ABCA10: variants seen among roughly 807,000 people sequenced by gnomAD.
ABCA10 encodes ATP binding cassette subfamily A member 10, also known as ATP-binding cassette sub-family A member 10.
A neutral mutation model predicts 187.5 loss-of-function variants in ABCA10; 169 were observed. That is an observed-to-expected ratio of 0.90 (90% CI 0.80 to 1.02). The LOEUF is 1.02. ABCA10 is among the 50% of genes least tolerant of loss of function. ABCA10 has a pLI of 0.00. For synonymous variants in ABCA10, 574 were observed against 601.8 expected, an observed-to-expected ratio of 0.95 and a Z score of 0.68; for missense variants, 1,727 against 1,812.4, an observed-to-expected ratio of 0.95 and a Z score of 0.86.
chr17:69,157,700 T>C (rs1006430908), intron 27 of ABCA10, among the ~76,000 whole-genome samples: 1 of 152,040 alleles, frequency 6.6e-6, no homozygotes, highest in Non-Finnish European at 1.5e-5. Context: ...GATATATGAA[T>C]AGAAGTAGCT....
intron 9 of ABCA10, among the ~76,000 whole-genome samples, chr17:69,206,667 C>T (rs2074593962): frequency 6.6e-6 from 1 of 152,138 alleles, no homozygotes; most frequent in African/African-American, 2.4e-5. Context: ...AAATTGGTCC[C>T]AACTTGCAAA....
At chr17:69,192,464 GAAGTT>G (rs1034760599) in intron 16 of ABCA10, 94 bp downstream of exon 16, 38 of 1,011,556 alleles carry the variant, frequency 3.8e-5, no homozygotes, top group African/African-American at 2.0e-4. Context: ...GTTTCTACCA[GAAGTT>G]AAGTTGCCTT....
At chr17:69,149,932 T>C in intron 37 of ABCA10, 52 bp downstream of exon 37, 2 of 1,387,690 alleles carry the variant, frequency 1.4e-6, no homozygotes, top group Non-Finnish European at 2.0e-6. Context: ...ATATTCCACA[T>C]GAAAATATGC....
At chr17:69,241,209 A>G (rs2074901554) in intron 1 of ABCA10, among the ~76,000 whole-genome samples, 1 of 152,192 alleles carries the variant, frequency 6.6e-6, no homozygotes, top group Non-Finnish European at 1.5e-5. Flanking sequence ...GACAAAACAA[A>G]AAACAAAAAG....
At chr17:69,149,840 T>C (rs2074115071) in intron 37 of ABCA10, 144 bp downstream of exon 37, 2 of 637,202 alleles carry the variant, frequency 3.1e-6, no homozygotes, top group Admixed American at 3.3e-5. Context: ...TCATTTCCTT[T>C]GAGATTGTTA....
At position 69,194,005 on chromosome 17, in the gene ABCA10, T is replaced by C. The variant is rs1014837360; in HGVS notation, c.1346-16A>G. Reference sequence around the variant, plus strand: ...GTGGCTGATCCTATAAATAGAAATTTAAAAGGCTTTACTGCCAGAATGTTA... The same window carrying C: ...GTGGCTGATCCTATAAATAGAAATTCAAAAGGCTTTACTGCCAGAATGTTA... On this transcript the variant is annotated splice_polypyrimidine_tract_variant and intron_variant, in intron 12 of 38. Transcript: ENST00000690296. 1 of 1,558,930 alleles carries C rather than the reference T, an allele frequency of 6.4e-7. No individual in the cohort carries two copies. Among genetic ancestry groups the C allele is most frequent in the Non-Finnish European group, 8.7e-7 (1 of 1,144,514 alleles).
chr17:69,225,412 C>T lies in ABCA10; in HGVS notation c.-54G>A, dbSNP rs987573819. ...GTATATGCCACTACCAGGCCAGAGT[C>T]ATTAAACTGATCCACGCTTCCCAGG... On this transcript the variant is annotated 5_prime_UTR_variant, in exon 3 of 39. It removes an upstream start codon present in the reference 5' UTR. Coordinates refer to ENST00000690296, the MANE Select transcript of ABCA10 (RefSeq NM_001377321.1). 8.8e-6 allele frequency: 14 copies of T among 1,588,800 alleles called. No homozygotes were observed. The highest frequency in any genetic ancestry group is 2.7e-5 in the African/African-American group (2 of 74,184).
chr17:69,210,847 C>CACATATATAT (rs1169352704), intron 9 of ABCA10, among the ~76,000 whole-genome samples: 472 of 37,894 alleles, frequency 0.012, 22 homozygotes, highest in African/African-American at 0.026. Context: ...ATTTATGCCA[C>CACATATATAT]ATATATATAT....
rs755895861 is a variant in ABCA10, at chr17:69,148,832, G to C, written c.4627C>G (p.Pro1543Ala). The change falls in exon 39 of 39, where the codon CCT becomes GCT. Residue 1543 changes from proline (P) to alanine (A), a missense_variant. Coordinates refer to ENST00000690296, the MANE Select transcript of ABCA10 (RefSeq NM_001377321.1). ...VEWKLLPQED[P>A] Reference sequence around the variant, plus strand: ...ATGTTAGGAGGTTCTTCATTTTAAGGGTCTTCCTGTGGGAGAAGTTTCCAT... The same window carrying C: ...ATGTTAGGAGGTTCTTCATTTTAAGCGTCTTCCTGTGGGAGAAGTTTCCAT... The C allele has an allele frequency of 1.6e-5, 25 of 1,611,202 alleles. No homozygotes were observed. The African/African-American group carries it at 2.8e-4, about 18-fold the overall frequency.
chr17:69,170,455 A>G (rs1170327421), intron 25 of ABCA10, among the ~76,000 whole-genome samples: 1 of 151,496 alleles, frequency 6.6e-6, no homozygotes, highest in Non-Finnish European at 1.5e-5. Context: ...AAAAAAAAAA[A>G]AAGAAGTCTT....
At chr17:69,187,331 T>C (rs952545280) in intron 19 of ABCA10, among the ~76,000 whole-genome samples, 2 of 152,102 alleles carry the variant, frequency 1.3e-5, no homozygotes, top group Non-Finnish European at 2.9e-5. Flanking sequence ...CTGAGGACTT[T>C]CCAGACCTCT....
At chr17:69,209,694 C>T (rs371026521) in intron 9 of ABCA10, among the ~76,000 whole-genome samples, 1 of 133,024 alleles carries the variant, frequency 7.5e-6, no homozygotes, top group East Asian at 2.0e-4. Flanking sequence ...TCACGTGTCA[C>T]TGAACAATGG....
At chr17:69,203,655 A>T (rs935895259) in intron 9 of ABCA10, among the ~76,000 whole-genome samples, 1 of 152,162 alleles carries the variant, frequency 6.6e-6, no homozygotes, top group Non-Finnish European at 1.5e-5. Context: ...TGCCAGAGAG[A>T]GCTTCCTAAA....
At chr17:69,184,902 TATA>T (rs2074409479) in intron 20 of ABCA10, among the ~76,000 whole-genome samples, 2 of 139,914 alleles carry the variant, frequency 1.4e-5, no homozygotes, top group African/African-American at 5.9e-5. Flanking sequence ...CATACATATA[TATA>T]ACTTTTTAAA....
chr17:69,185,788 G>A, intron 19 of ABCA10, 145 bp from the exon 20 acceptor site: 2 of 564,026 alleles, frequency 3.5e-6, no homozygotes, highest in East Asian at 2.8e-5. Context: ...TACAGTGACA[G>A]TAATCTGAAA....
Position 69,164,261 on chromosome 17 carries a change from G to T in ABCA10, c.3283-107C>A, listed in dbSNP as rs530007014. Reference sequence around the variant, plus strand: ...TTGATGTTCTATGGGACAACAGTAAGTATTCCATGAATTGAGATGAGAAGA... The same window carrying T: ...TTGATGTTCTATGGGACAACAGTAATTATTCCATGAATTGAGATGAGAAGA... On this transcript the variant is annotated intron_variant, in intron 26 of 38. Transcript: ENST00000690296. The T allele has an allele frequency of 5.8e-5, 49 of 851,778 alleles. 1 individual carries two copies. The Admixed American group carries it at 7.6e-4, about 13-fold the overall frequency. The allele number at this position is 851,778 out of a possible 1,614,324, so 52.8% of individuals were successfully genotyped here.
chr17:69,221,723 G>A, intron 5 of ABCA10, 69 bp downstream of exon 5: 1 of 1,351,072 alleles, frequency 7.4e-7, no homozygotes, highest in Non-Finnish European at 1.0e-6. Context: ...TAAGGTAGGG[G>A]ATGAGGCAGA....
At chr17:69,213,696 C>T (rs2074678258) in intron 9 of ABCA10, among the ~76,000 whole-genome samples, 1 of 152,202 alleles carries the variant, frequency 6.6e-6, no homozygotes. Context: ...CTGGGCCCTC[C>T]CCATCTGCCC....
chr17:69,185,293 T>C (rs2074412569), intron 20 of ABCA10, among the ~76,000 whole-genome samples, 184 bp downstream of exon 20: 1 of 152,082 alleles, frequency 6.6e-6, no homozygotes, highest in Non-Finnish European at 1.5e-5. Flanking sequence ...CACAAACCTA[T>C]TGAAATAAAG....
Sources: gnomAD v4.1 joint callset for allele counts (sites outside exome capture counted in the v4.1 genomes callset) on GRCh38, gnomAD v4.1.1 for gene constraint, MANE v1.5 for transcripts, NCBI Gene and HGNC (gene_info 2026-07-23, HGNC 2026-07-21) for gene names.